The following DNAH8 variants were observed in gnomAD, a reference collection of about 807,000 sequenced individuals.
The protein encoded by DNAH8 is axonemal beta dynein heavy chain 8.
Under a neutral mutation model 562.1 loss-of-function variants are expected in DNAH8, and 382 were observed. The observed-to-expected ratio is 0.68, with a 90% confidence interval of 0.63 to 0.74. The LOEUF (loss-of-function observed/expected upper bound fraction) is 0.74. DNAH8 is among the 30% of genes least tolerant of loss of function. The pLI is 0.00. For synonymous variants in DNAH8, 1,881 were observed against 1,919.4 expected, an observed-to-expected ratio of 0.98 and a Z score of 0.52; for missense variants, 5,203 against 5,620.4, an observed-to-expected ratio of 0.93 and a Z score of 2.37.
intron 47 of DNAH8, 143 bp downstream of exon 47, chr6:38,867,019 G>A: frequency 1.7e-6 from 1 of 585,870 alleles, no homozygotes; most frequent in Non-Finnish European, 3.0e-6. Context: ...TTACCTATTG[G>A]TTGTGTATTT....
At chr6:38,754,208 A>G (rs756114018) in intron 9 of DNAH8, among the ~76,000 whole-genome samples, 2 of 152,166 alleles carry the variant, frequency 1.3e-5, no homozygotes, top group Non-Finnish European at 2.9e-5. Flanking sequence ...TCAAGGAGCT[A>G]CTATTGTAAA....
chr6:38,911,673 C>T, intron 66 of DNAH8, 87 bp downstream of exon 66: 3 of 941,456 alleles, frequency 3.2e-6, no homozygotes, highest in Non-Finnish European at 4.9e-6. Flanking sequence ...GACATTTTGT[C>T]TGAAAATGAA....
intron 28 of DNAH8, 87 bp downstream of exon 28, chr6:38,823,775 G>A: frequency 1.2e-6 from 1 of 801,726 alleles, no homozygotes; most frequent in South Asian, 2.2e-5. Context: ...AAGTTATCTT[G>A]GTACAATAGT....
intron 10 of DNAH8, among the ~76,000 whole-genome samples, chr6:38,759,647 C>CCT (rs1269500781): frequency 1.3e-5 from 2 of 152,064 alleles, no homozygotes; most frequent in Non-Finnish European, 2.9e-5. Flanking sequence ...GAGCAAAGAA[C>CCT]CCTGCTAAGT....
chr6:38,940,931 C>A (rs78203672), intron 79 of DNAH8, among the ~76,000 whole-genome samples: 1 of 151,570 alleles, frequency 6.6e-6, no homozygotes, highest in South Asian at 2.1e-4. Flanking sequence ...TCCTGGTCAC[C>A]GGTTTAGGTG....
intron 82 of DNAH8, among the ~76,000 whole-genome samples, chr6:38,961,635 C>T (rs1006782592): frequency 1.3e-5 from 2 of 151,872 alleles, no homozygotes; most frequent in African/African-American, 4.8e-5. Flanking sequence ...CTATAAAAGC[C>T]ATTTTATAAA....
intron 26 of DNAH8, among the ~76,000 whole-genome samples, chr6:38,820,854 ACTT>A (rs1400084777): frequency 1.4e-4 from 21 of 152,206 alleles, no homozygotes; most frequent in Non-Finnish European, 2.5e-4. Context: ...ATAGAATTGA[ACTT>A]CTTCAACCTT....
intron 45 of DNAH8, among the ~76,000 whole-genome samples, chr6:38,864,653 T>C (rs76214473): frequency 0.026 from 3,951 of 152,020 alleles, 181 homozygotes; most frequent in African/African-American, 0.088. Flanking sequence ...TCCTAAGACA[T>C]TGGCTAAAGC....
At chr6:38,900,410 T>G (rs1779995731) in intron 62 of DNAH8, among the ~76,000 whole-genome samples, 1 of 152,200 alleles carries the variant, frequency 6.6e-6, no homozygotes. Flanking sequence ...TTGGGGCAAA[T>G]AGAGCTACTG....
At chr6:39,001,886 A>C (rs528388705) in intron 88 of DNAH8, among the ~76,000 whole-genome samples, 3 of 152,252 alleles carry the variant, frequency 2.0e-5, no homozygotes, top group Middle Eastern at 3.4e-3. Flanking sequence ...AACTGAAGGC[A>C]GTGGGGATGA....
chr6:38,851,491 A>T, intron 38 of DNAH8, 81 bp from the exon 39 acceptor site: 2 of 773,150 alleles, frequency 2.6e-6, no homozygotes, highest in Non-Finnish European at 4.2e-6. Context: ...CAAAGATGTT[A>T]GTGATTATGT....
chr6:38,824,081 A>C (rs1773109039), intron 28 of DNAH8, among the ~76,000 whole-genome samples: 1 of 152,160 alleles, frequency 6.6e-6, no homozygotes, highest in Non-Finnish European at 1.5e-5. Context: ...TGGGACTCAA[A>C]CAGTTTGAAG....
chr6:38,879,477 G>A (rs72852760), intron 53 of DNAH8, among the ~76,000 whole-genome samples: 18,843 of 152,108 alleles, frequency 0.12, 1,416 homozygotes, highest in Admixed American at 0.21. Flanking sequence ...TAAAAACTAA[G>A]CAAGCCATAA....
chr6:39,030,591 G>GT lies in DNAH8; in HGVS notation c.*205dup. The GT allele has an allele frequency of 3.9e-6, 2 of 514,816 alleles. No individual in the cohort carries two copies. Among genetic ancestry groups the GT allele is most frequent in the Admixed American group, 3.6e-5 (1 of 27,484 alleles). 31.9% of individuals were successfully genotyped at this position (514,816 alleles called of 1,614,324 possible). A position where few individuals can be genotyped will look rare whatever the true frequency, so the allele number is the denominator to read the frequency against. The stretch of plus-strand genomic sequence containing the variant: ...TTCAAAAAGATAACTCTAAATGAAT[G>GT]TTTTTTATTCTGGGAAATCATATTT... On this transcript the variant is annotated 3_prime_UTR_variant, in exon 93 of 93. Coordinates refer to ENST00000327475, the MANE Select transcript of DNAH8 (RefSeq NM_001206927.2).
intron 33 of DNAH8, among the ~76,000 whole-genome samples, chr6:38,838,818 G>A (rs1033419635): frequency 6.6e-6 from 1 of 152,186 alleles, no homozygotes; most frequent in Non-Finnish European, 1.5e-5. Flanking sequence ...ATAAACAAGT[G>A]TATTTCAATC....
At chr6:38,966,601 A>G (rs746080719) in intron 82 of DNAH8, among the ~76,000 whole-genome samples, 24 of 152,226 alleles carry the variant, frequency 1.6e-4, no homozygotes, top group Non-Finnish European at 3.5e-4. Flanking sequence ...TATCAAACCA[A>G]ATGCAGCACC....
intron 72 of DNAH8, 119 bp downstream of exon 72, chr6:38,923,304 T>C: frequency 8.5e-7 from 1 of 1,174,010 alleles, no homozygotes; most frequent in Non-Finnish European, 1.2e-6. Flanking sequence ...GCAACTTAAA[T>C]CATGCACTCT....
chr6:38,779,750 T>C (rs1467129788), intron 14 of DNAH8, among the ~76,000 whole-genome samples: 1 of 152,238 alleles, frequency 6.6e-6, no homozygotes, highest in African/African-American at 2.4e-5. Flanking sequence ...TTATTTTTGT[T>C]ACTCTTGGCA....
At chr6:38,876,187 CCCCACAA>C (rs1777980636) in intron 53 of DNAH8, among the ~76,000 whole-genome samples, 1 of 152,186 alleles carries the variant, frequency 6.6e-6, no homozygotes, top group Non-Finnish European at 1.5e-5. Flanking sequence ...AACGGATCAG[CCCCACAA>C]TTCCCCTGTT....
Sources: allele counts gnomAD v4.1 joint callset (sites outside exome capture counted in the v4.1 genomes callset), GRCh38; gene constraint gnomAD v4.1.1; transcripts MANE v1.5; gene names NCBI Gene and HGNC (gene_info 2026-07-23, HGNC 2026-07-21).